RNF144B: variants seen among roughly 807,000 people sequenced by gnomAD.
The protein encoded by RNF144B is E3 ubiquitin-protein ligase RNF144B.
In RNF144B, 25 loss-of-function variants were observed where a neutral mutation model predicts 40.2. The observed-to-expected ratio is 0.62, with a 90% CI of 0.45 to 0.87. The LOEUF is 0.87. Ranked by LOEUF, RNF144B falls within the 40% of genes least tolerant of loss-of-function variation. The pLI is 0.00. For missense variants in RNF144B, 365 were observed against 373.7 expected, an observed-to-expected ratio of 0.98 and a Z score of 0.19; for synonymous variants, 145 against 136.3, an observed-to-expected ratio of 1.06 and a Z score of -0.44.
intron 1 of RNF144B, among the ~76,000 whole-genome samples, chr6:18,391,719 T>G (rs1365273884): frequency 6.9e-6 from 1 of 144,204 alleles, no homozygotes; most frequent in African/African-American, 2.6e-5. Context: ...TACAAAAAAA[T>G]TAGCCAAGCG....
rs900207831 is a variant in RNF144B at position 18,406,233 on chromosome 6, G to C, written c.165+6534G>C. 1.4e-5 allele frequency: 7 copies of C among 502,962 alleles called. No homozygotes were observed. In the Admixed American group the frequency reaches 1.4e-4, roughly 10 times the overall value. 31.2% of individuals were successfully genotyped at this position (502,962 alleles called of 1,614,324 possible). A position where few individuals can be genotyped will look rare whatever the true frequency, so the allele number is the denominator to read the frequency against. ...GCTATGGAAAAATAGGGTGAGGGGG[G>C]TCAGGAGTGCTGTGGGGAAGAGGGA... On this transcript the variant is annotated intron_variant, in intron 2 of 7. Coordinates refer to ENST00000259939, the MANE Select transcript of RNF144B (RefSeq NM_182757.4). This position sits in a 1 kb window ranked among gnomAD's most constrained non-coding sequence, Gnocchi z 4.2.
In RNF144B at chr6:18,459,252, T is replaced by C. The variant is rs1490233772; in HGVS notation, c.537-355T>C. Reference sequence around the variant, plus strand: ...TTTGTCTAATGAACAGACCATTAGATAGATTATATACGCCCAGTTTGGACC... The same window carrying C: ...TTTGTCTAATGAACAGACCATTAGACAGATTATATACGCCCAGTTTGGACC... On this transcript the variant is annotated intron_variant, in intron 5 of 7. Transcript: ENST00000259939. The surrounding 1 kb of genome is among the most constrained non-coding windows in gnomAD (Gnocchi z 4.2). Among the ~76,000 whole-genome samples the C allele has an allele frequency of 6.6e-6, 1 of 152,208 alleles. No individual in the cohort carries two copies. The highest frequency in any genetic ancestry group is 1.9e-4 in the East Asian group (1 of 5,202).
rs1037818192 is a variant in RNF144B, at chr6:18,434,152, G to A, written c.271-5532G>A. ...TCTGGGCGCTTTTTCCTTCTGTTTG[G>A]GCTTTCCGGACTCTGATGGGTAGCA... On this transcript the variant is annotated intron_variant, in intron 3 of 7. Transcript: ENST00000259939. The surrounding 1 kb of genome is among the most constrained non-coding windows in gnomAD (Gnocchi z 4.1). Among the ~76,000 whole-genome samples the A allele has an allele frequency of 2.0e-5, 3 of 151,998 alleles. No homozygotes were observed. Among genetic ancestry groups the A allele is most frequent in the African/African-American group, 7.2e-5 (3 of 41,388 alleles).
Position 18,459,096 on chromosome 6 carries a change from A to G in RNF144B, c.537-511A>G, listed in dbSNP as rs1209034787. Among the ~76,000 whole-genome samples the G allele has an allele frequency of 6.7e-6, 1 of 149,042 alleles. No homozygotes were observed. The highest frequency in any genetic ancestry group is 1.9e-4 in the East Asian group (1 of 5,196). On this transcript the variant is annotated intron_variant, in intron 5 of 7. Transcript: ENST00000259939. The surrounding 1 kb of genome is among the most constrained non-coding windows in gnomAD (Gnocchi z 4.2). ...TTACATGGTGCTATCGCTCACTCCA[A>G]TTCCTGTTGCTTATTTTCTGTGCCC...
In RNF144B at chr6:18,448,762, T is replaced by G. The variant is rs1342624875; in HGVS notation, c.332-8393T>G. 6.6e-6 allele frequency among the ~76,000 whole-genome samples: 1 copy of G among 151,482 alleles called. No homozygotes were observed. The highest frequency in any genetic ancestry group is 1.5e-5 in the Non-Finnish European group (1 of 67,864). The stretch of plus-strand genomic sequence containing the variant: ...CAGCAAAAGTTTCATGAAACTAATG[T>G]GAGATGCACCCTACTTTCTTTTCTA... On this transcript the variant is annotated intron_variant, in intron 4 of 7. Coordinates refer to ENST00000259939, the MANE Select transcript of RNF144B (RefSeq NM_182757.4). This position sits in a 1 kb window ranked among gnomAD's most constrained non-coding sequence, Gnocchi z 4.0.
intron 3 of RNF144B, among the ~76,000 whole-genome samples, chr6:18,438,127 A>G (rs750668217): frequency 2.0e-5 from 3 of 152,210 alleles, no homozygotes; most frequent in Non-Finnish European, 2.9e-5. Flanking sequence ...TCCTCCACCC[A>G]TGATGAATTA....
Position 18,400,222 on chromosome 6 carries a change from G to A in RNF144B, c.165+523G>A, listed in dbSNP as rs551442499. 1.9e-4 allele frequency among the ~76,000 whole-genome samples: 29 copies of A among 150,652 alleles called. No homozygotes were observed. The highest frequency in any genetic ancestry group is 5.1e-4 in the African/African-American group (21 of 40,964). On this transcript the variant is annotated intron_variant, in intron 2 of 7. Coordinates refer to ENST00000259939, the MANE Select transcript of RNF144B (RefSeq NM_182757.4). The surrounding 1 kb of genome is among the most constrained non-coding windows in gnomAD (Gnocchi z 5.6). ...TGGGAGGCAGAGCTTGCAGTGAGCC[G>A]AGATCAGGCCACTGCACTCCAGCCT...
At chr6:18,423,561 G>A (rs74824372) in intron 2 of RNF144B, among the ~76,000 whole-genome samples, 4,805 of 152,270 alleles carry the variant, frequency 0.032, 147 homozygotes, top group African/African-American at 0.075. Context: ...AAGAATGCCT[G>A]TGACTTTGGT....
In RNF144B at chr6:18,456,015, C is replaced by T. The variant is rs921702313; in HGVS notation, c.332-1140C>T. Among the ~76,000 whole-genome samples the T allele has an allele frequency of 9.2e-5, 14 of 152,048 alleles. No homozygotes were observed. The highest frequency in any genetic ancestry group is 2.2e-4 in the African/African-American group (9 of 41,398). ...TCAGCTCACTGCAACCTCTGCCTCC[C>T]GGGTTCACGCCATTCTCCTGCCTCA... is the stretch of plus-strand genomic sequence containing the variant. On this transcript the variant is annotated intron_variant, in intron 4 of 7. Coordinates refer to ENST00000259939, the MANE Select transcript of RNF144B (RefSeq NM_182757.4). The surrounding 1 kb of genome is among the most constrained non-coding windows in gnomAD (Gnocchi z 4.7).
Position 18,427,640 on chromosome 6 carries a change from C to T in RNF144B, c.225C>T (p.Cys75=), listed in dbSNP as rs761745976. The T allele has an allele frequency of 1.9e-6, 3 of 1,613,686 alleles. No individual in the cohort carries two copies. The highest frequency in any genetic ancestry group is 2.5e-6 in the Non-Finnish European group (3 of 1,179,726). The change falls in exon 3 of 8, where the codon TGC becomes TGT. Residue 75 remains cysteine, a synonymous_variant. Coordinates refer to ENST00000259939, the MANE Select transcript of RNF144B (RefSeq NM_182757.4). ...IREGCGSPIT[C]PDMVCLNHGT... ...AAGGATGTGGGTCTCCCATCACTTG[C>T]CCTGACATGGTGTGCCTAAACCACG...
chr6:18,443,335 C>G lies in RNF144B; in HGVS notation c.331+3591C>G, dbSNP rs1046271045. Among the ~76,000 whole-genome samples the G allele has an allele frequency of 1.3e-5, 2 of 151,942 alleles. No individual in the cohort carries two copies. The highest frequency in any genetic ancestry group is 6.6e-5 in the Admixed American group (1 of 15,248). On this transcript the variant is annotated intron_variant, in intron 4 of 7. Transcript: ENST00000259939. The surrounding 1 kb of genome is among the most constrained non-coding windows in gnomAD (Gnocchi z 4.7). ...TGGATTGCAGTGGCACGAACTCTGC[C>G]CACTGCAACTTCCGCCTCCTGGGTT...
rs1759585168 is a variant in RNF144B at position 18,467,037 on chromosome 6, A to G, written c.*1970A>G. ...TATCAGTGTAGTTCATGTTAGTATAATTATAGATTTACATATATTTGAATA... is the reference window on the plus strand; with the variant it reads ...TATCAGTGTAGTTCATGTTAGTATAGTTATAGATTTACATATATTTGAATA... On this transcript the variant is annotated 3_prime_UTR_variant, in exon 8 of 8. Transcript: ENST00000259939. 1 of 152,652 alleles carries G rather than the reference A, an allele frequency of 6.6e-6. No homozygotes were observed. Among genetic ancestry groups the G allele is most frequent in the South Asian group, 2.1e-4 (1 of 4,832 alleles). 9.5% of individuals were successfully genotyped at this position (152,652 alleles called of 1,614,324 possible).
chr6:18,462,593 G>T (rs1759478746), intron 6 of RNF144B, among the ~76,000 whole-genome samples: 1 of 151,766 alleles, frequency 6.6e-6, no homozygotes, highest in African/African-American at 2.4e-5. Flanking sequence ...TTTGTCTAAT[G>T]AACAGACCAT....
chr6:18,423,804 A>G (rs1194784984), intron 2 of RNF144B, among the ~76,000 whole-genome samples: 1 of 152,234 alleles, frequency 6.6e-6, no homozygotes, highest in Non-Finnish European at 1.5e-5. Flanking sequence ...CCTAAAAATA[A>G]TTCTGTGTTT....
At chr6:18,428,081 T>G (rs1469526183) in intron 3 of RNF144B, among the ~76,000 whole-genome samples, 1 of 152,196 alleles carries the variant, frequency 6.6e-6, no homozygotes, top group Non-Finnish European at 1.5e-5. Context: ...GGTTCCCCCA[T>G]GCTGTTCTCG....
rs1758984554 is a variant in RNF144B at position 18,442,417 on chromosome 6, T to A, written c.331+2673T>A. 6.6e-6 allele frequency among the ~76,000 whole-genome samples: 1 copy of A among 152,258 alleles called. No homozygotes were observed. Among genetic ancestry groups the A allele is most frequent in the Non-Finnish European group, 1.5e-5 (1 of 68,036 alleles). ...GATCCCATGCATTAACAATTCATGT[T>A]GTTATTCTTATTTTATAGATGAAGA... is the stretch of plus-strand genomic sequence containing the variant. On this transcript the variant is annotated intron_variant, in intron 4 of 7. Transcript: ENST00000259939. The surrounding 1 kb of genome is among the most constrained non-coding windows in gnomAD (Gnocchi z 4.3).
At chr6:18,438,504 T>C (rs929430727) in intron 3 of RNF144B, among the ~76,000 whole-genome samples, 1 of 152,220 alleles carries the variant, frequency 6.6e-6, no homozygotes, top group African/African-American at 2.4e-5. Flanking sequence ...TTACTTGGAA[T>C]GAGGAAGACC....
At chr6:18,403,497 G>A (rs1188944529) in intron 2 of RNF144B, among the ~76,000 whole-genome samples, 2 of 152,086 alleles carry the variant, frequency 1.3e-5, no homozygotes, top group Non-Finnish European at 2.9e-5. Flanking sequence ...TTTCCATTAC[G>A]TTCTATTGGC....
chr6:18,438,810 G>A (rs1052031388), intron 3 of RNF144B, among the ~76,000 whole-genome samples: 3 of 152,036 alleles, frequency 2.0e-5, no homozygotes, highest in East Asian at 1.9e-4. Context: ...CTTACTGGAT[G>A]TCTGGAAGGC....
Sources: gnomAD v4.1 joint callset for allele counts (sites outside exome capture counted in the v4.1 genomes callset) on GRCh38, gnomAD v4.1.1 for gene constraint, Gnocchi (gnomAD v3.1) non-coding constraint, MANE v1.5 for transcripts, NCBI Gene and HGNC (gene_info 2026-07-23, HGNC 2026-07-21) for gene names.